ZNF267: variants seen among roughly 807,000 people sequenced by gnomAD.
The protein encoded by ZNF267 is zinc finger protein 267, also known as zinc finger (C2H2).
A neutral mutation model predicts 71.6 loss-of-function variants in ZNF267; 61 were observed. That is an observed-to-expected ratio of 0.85 (90% CI 0.69 to 1.05). ZNF267 has a LOEUF of 1.05. Among genes scored for constraint, ZNF267 ranks in the 50% least tolerant of loss-of-function variants. ZNF267 has a pLI of 0.00. For synonymous variants in ZNF267, 288 were observed against 293.2 expected (o/e 0.98, Z 0.18); for missense variants, 852 against 870.0 (o/e 0.98, Z 0.26).
At chr16:31,874,667 C>G (rs2142325449) in intron 1 of ZNF267, among the ~76,000 whole-genome samples, 1 of 152,256 alleles carries the variant, frequency 6.6e-6, no homozygotes, top group East Asian at 1.9e-4. Context: ...CCCTAGAAAC[C>G]TGGGGCACTA....
intron 3 of ZNF267, among the ~76,000 whole-genome samples, chr16:31,898,533 TTGG>T (rs1311182165): frequency 1.2e-5 from 1 of 86,604 alleles, no homozygotes; most frequent in Non-Finnish European, 2.7e-5. Flanking sequence ...GCTGTCTTCC[TTGG>T]TGTTTTATTG....
intron 3 of ZNF267, 172 bp from the exon 4 acceptor site, chr16:31,914,304 C>T (rs951999241): frequency 1.5e-5 from 9 of 587,236 alleles, no homozygotes; most frequent in Admixed American, 7.1e-5. Flanking sequence ...TAGTAGTTCA[C>T]GTGCCACTTT....
In ZNF267 at chr16:31,907,068, G is replaced by A. The variant is rs148781915; in HGVS notation, c.227-7408G>A. On this transcript the variant is annotated intron_variant, in intron 3 of 3. Transcript: ENST00000300870. ...TGTGAGATTTTTTGCTGAGACATCT[G>A]TTGATCATTTTATAAGAGTGGCCTT... 3.4e-3 allele frequency among the ~76,000 whole-genome samples: 524 copies of A among 152,160 alleles called. 3 individuals are homozygous for A. Among genetic ancestry groups the A allele is most frequent in the African/African-American group, 0.012 (508 of 41,520 alleles).
intron 1 of ZNF267, among the ~76,000 whole-genome samples, chr16:31,875,513 A>G (rs2083846212): frequency 6.6e-6 from 1 of 152,222 alleles, no homozygotes; most frequent in Non-Finnish European, 1.5e-5. Flanking sequence ...CCTGCCCCCT[A>G]GATTCATTCA....
chr16:31,875,347 G>A, intron 1 of ZNF267: 2 of 1,271,898 alleles, frequency 1.6e-6, no homozygotes, highest in Admixed American at 2.6e-5. Flanking sequence ...ATGCCCTGGG[G>A]CTGAGAGAAA....
intron 3 of ZNF267, among the ~76,000 whole-genome samples, chr16:31,899,236 T>A (rs1345887029): frequency 6.6e-6 from 1 of 152,208 alleles, no homozygotes; most frequent in Non-Finnish European, 1.5e-5. Flanking sequence ...TACATTCTTC[T>A]TAGCACCACA....
At chr16:31,903,154 A>C (rs142109334) in intron 3 of ZNF267, among the ~76,000 whole-genome samples, 17 of 152,254 alleles carry the variant, frequency 1.1e-4, no homozygotes, top group African/African-American at 3.9e-4. Flanking sequence ...ATCATGGTGG[A>C]TAAGGTTTTT....
At chr16:31,874,228 T>C (rs1009332770) in intron 1 of ZNF267, 5 of 459,968 alleles carry the variant, frequency 1.1e-5, no homozygotes, top group Non-Finnish European at 1.9e-5. Flanking sequence ...TCTGGGCAGC[T>C]CCGCGTCGCA....
intron 3 of ZNF267, among the ~76,000 whole-genome samples, chr16:31,906,691 C>T (rs972137964): frequency 2.2e-4 from 33 of 152,102 alleles, no homozygotes; most frequent in Non-Finnish European, 4.4e-4. Context: ...CTTTCTTTGA[C>T]TAGGAGAGGG....
rs2083831867 is a variant in ZNF267, at chr16:31,873,887, A to G, written c.-80A>G. 1 of 1,595,950 alleles carries G rather than the reference A, an allele frequency of 6.3e-7. No individual in the cohort carries two copies. Among genetic ancestry groups the G allele is most frequent in the Admixed American group, 1.7e-5 (1 of 59,948 alleles). ...AGGCGGCTTCGCGTTCTGAGAATAA[A>G]CAGAACCTCTGTTGCTCTGCGACTT... On this transcript the variant is annotated 5_prime_UTR_variant, in exon 1 of 4. Coordinates refer to ENST00000300870, the MANE Select transcript of ZNF267 (RefSeq NM_003414.6).
intron 3 of ZNF267, among the ~76,000 whole-genome samples, chr16:31,905,084 T>A (rs2084077228): frequency 6.6e-6 from 1 of 152,184 alleles, no homozygotes; most frequent in Admixed American, 6.5e-5. Context: ...GGTTGAAAAT[T>A]CTTTTCTTTA....
chr16:31,893,487 A>C (rs1236235674), intron 3 of ZNF267, among the ~76,000 whole-genome samples: 1 of 152,050 alleles, frequency 6.6e-6, no homozygotes, highest in Non-Finnish European at 1.5e-5. Flanking sequence ...AGAAAATGGG[A>C]TTTTCTTTTC....
Position 31,916,529 on chromosome 16 carries a change from T to C in ZNF267, c.*48T>C. 1 of 1,530,870 alleles carries C rather than the reference T, an allele frequency of 6.5e-7. No individual in the cohort carries two copies. Among genetic ancestry groups the C allele is most frequent in the Non-Finnish European group, 8.8e-7 (1 of 1,131,492 alleles). The allele number at this position is 1,530,870 out of a possible 1,614,324, so 94.8% of individuals were successfully genotyped here. On this transcript the variant is annotated 3_prime_UTR_variant, in exon 4 of 4. Coordinates refer to ENST00000300870, the MANE Select transcript of ZNF267 (RefSeq NM_003414.6). ...TTTTTACTTGTTACCCATGTCTTAT[T>C]GTGCATCAGATAATTTATATGGGAG...
Position 31,915,889 on chromosome 16 carries a change from C to T in ZNF267, c.1640C>T (p.Pro547Leu), listed in dbSNP as rs751799225. 1.2e-6 allele frequency: 2 copies of T among 1,613,744 alleles called. No homozygotes were observed. The highest frequency in any genetic ancestry group is 1.7e-5 in the Admixed American group (1 of 60,006). ...VHERIHTGEK[P>L]YKCKECGKAF... ...GAGAGAATTCATACTGGAGAGAAAC[C>T]CTATAAATGTAAAGAATGTGGCAAA... Residue 547 changes from proline to leucine, a missense_variant, in exon 4 of 4, where the codon CCC (proline) becomes CTC (leucine). Coordinates refer to ENST00000300870, the MANE Select transcript of ZNF267 (RefSeq NM_003414.6).
At chr16:31,892,850 C>T (rs764946413) in intron 3 of ZNF267, among the ~76,000 whole-genome samples, 41 of 152,332 alleles carry the variant, frequency 2.7e-4, no homozygotes, top group African/African-American at 3.1e-4. Flanking sequence ...CCCTCCTGGC[C>T]GCTTTTACTG....
At chr16:31,878,815 C>T (rs1382398045) in intron 1 of ZNF267, among the ~76,000 whole-genome samples, 1 of 152,210 alleles carries the variant, frequency 6.6e-6, no homozygotes, top group African/African-American at 2.4e-5. Flanking sequence ...GTGCCTGAAT[C>T]CAGCACCTAT....
chr16:31,902,299 T>A (rs143529349), intron 3 of ZNF267, among the ~76,000 whole-genome samples: 149,634 of 152,036 alleles, frequency 0.98, 73,684 homozygotes, highest in Middle Eastern at 1. Flanking sequence ...TTCCATATGA[T>A]CTTTAAAGTA....
rs2084179585 is a variant in ZNF267, at chr16:31,916,479, T to G, written c.2230T>G (p.Ter744GluextTer31). 6.2e-7 allele frequency: 1 copy of G among 1,603,210 alleles called. No homozygotes were observed. Among genetic ancestry groups the G allele is most frequent in the Non-Finnish European group, 8.5e-7 (1 of 1,175,136 alleles). The change falls in exon 4 of 4, where the codon TAA becomes GAA. Residue 744 changes from the stop codon to glutamate (E), a stop_lost. Coordinates refer to ENST00000300870, the MANE Select transcript of ZNF267 (RefSeq NM_003414.6). Reference sequence around the variant, plus strand: ...GAGAAGTCATACTAGAGAAAAACTTTAAAAATGTAAAACATGGAGCAGATT... The same window carrying G: ...GAGAAGTCATACTAGAGAAAAACTTGAAAAATGTAAAACATGGAGCAGATT... ...HQRSHTREKL[*>E]
chr16:31,901,764 G>A (rs2084043577), intron 3 of ZNF267, among the ~76,000 whole-genome samples: 1 of 152,088 alleles, frequency 6.6e-6, no homozygotes, highest in South Asian at 2.1e-4. Context: ...CTCTGATGGT[G>A]GTTTCCTTTG....
Sources: allele counts gnomAD v4.1 joint callset (sites outside exome capture counted in the v4.1 genomes callset), GRCh38; gene constraint gnomAD v4.1.1; transcripts MANE v1.5; gene names NCBI Gene and HGNC (gene_info 2026-07-23, HGNC 2026-07-21).